ZNF385D: variants seen among roughly 807,000 people sequenced by gnomAD.
The protein encoded by ZNF385D is zinc finger protein 385D, also known as zinc finger protein 659.
A neutral mutation model predicts 35.8 loss-of-function variants in ZNF385D; 15 were observed. That is an observed-to-expected ratio of 0.42 (90% CI 0.28 to 0.64). The LOEUF (loss-of-function observed/expected upper bound fraction) is 0.64. ZNF385D is among the 30% of genes least tolerant of loss of function. ZNF385D has a pLI of 0.23. For synonymous variants in ZNF385D, 212 were observed against 186.8 expected (o/e 1.13, Z -1.10); for missense variants, 474 against 494.6 (o/e 0.96, Z 0.39).
At chr3:22,128,321 T>A (rs999232536) in intron 3 of ZNF385D, among the ~76,000 whole-genome samples, 1 of 152,192 alleles carries the variant, frequency 6.6e-6, no homozygotes, top group East Asian at 1.9e-4. Context: ...ATCTTTCCCT[T>A]ATTCTTGACT....
intron 1 of ZNF385D, among the ~76,000 whole-genome samples, chr3:21,728,703 C>A (rs2068867370): frequency 6.6e-6 from 1 of 152,140 alleles, no homozygotes; most frequent in African/African-American, 2.4e-5. Context: ...CCCCAATGTA[C>A]TCAGCTAGTG....
At chr3:21,971,942 A>G (rs1234748557) in intron 3 of ZNF385D, among the ~76,000 whole-genome samples, 1 of 152,120 alleles carries the variant, frequency 6.6e-6, no homozygotes, top group Non-Finnish European at 1.5e-5. Flanking sequence ...CAACACTGGG[A>G]CACCCAGATA....
chr3:21,836,380 C>T (rs924650834), intron 3 of ZNF385D, among the ~76,000 whole-genome samples: 1 of 152,048 alleles, frequency 6.6e-6, no homozygotes, highest in Non-Finnish European at 1.5e-5. Flanking sequence ...ACATAGATAC[C>T]TTTACACTTC....
At chr3:21,876,909 A>G (rs975670846) in intron 3 of ZNF385D, among the ~76,000 whole-genome samples, 1 of 152,090 alleles carries the variant, frequency 6.6e-6, no homozygotes, top group Non-Finnish European at 1.5e-5. Flanking sequence ...CATTGTTTAC[A>G]TTATGTGTTT....
intron 3 of ZNF385D, chr3:21,563,429 A>G (rs2063025877): frequency 6.6e-6 from 1 of 152,222 alleles, no homozygotes; most frequent in African/African-American, 2.4e-5. Flanking sequence ...TTTTAAGTCA[A>G]TGGATATTGT....
intron 1 of ZNF385D, among the ~76,000 whole-genome samples, chr3:21,724,494 A>C (rs1187395199): frequency 0.062 from 4,424 of 71,732 alleles, 179 homozygotes; most frequent in East Asian, 0.13. Context: ...AAAAAAAAAA[A>C]AAAAAAAAAA....
intron 3 of ZNF385D, among the ~76,000 whole-genome samples, chr3:22,012,799 C>G (rs749717694): frequency 6.6e-6 from 1 of 152,040 alleles, no homozygotes; most frequent in Non-Finnish European, 1.5e-5. Flanking sequence ...TTCTTAGGAA[C>G]TGGTAATCAG....
At chr3:21,841,829 A>G (rs917457376) in intron 3 of ZNF385D, among the ~76,000 whole-genome samples, 3 of 151,670 alleles carry the variant, frequency 2.0e-5, no homozygotes, top group Admixed American at 1.3e-4. Flanking sequence ...TAAATTCGCA[A>G]TTCATACATA....
chr3:22,323,572 G>A (rs1575118800), intron 2 of ZNF385D, among the ~76,000 whole-genome samples: 1 of 152,142 alleles, frequency 6.6e-6, no homozygotes, highest in Non-Finnish European at 1.5e-5. Flanking sequence ...TTTAGCTAAA[G>A]ACAGCTAACT....
chr3:21,831,779 G>C (rs771343781), intron 3 of ZNF385D, among the ~76,000 whole-genome samples: 16 of 152,152 alleles, frequency 1.1e-4, no homozygotes, highest in Non-Finnish European at 2.2e-4. Flanking sequence ...AACTGAGTCT[G>C]ATCAATTCTG....
At chr3:22,144,347 G>T (rs1199479630) in intron 3 of ZNF385D, among the ~76,000 whole-genome samples, 1 of 152,014 alleles carries the variant, frequency 6.6e-6, no homozygotes, top group Non-Finnish European at 1.5e-5. Flanking sequence ...GCCAAGGGTG[G>T]CAGATCACTT....
intron 2 of ZNF385D, among the ~76,000 whole-genome samples, chr3:21,628,128 T>G (rs150114456): frequency 1.3e-5 from 2 of 152,250 alleles, no homozygotes; most frequent in African/African-American, 4.8e-5. Flanking sequence ...TGCTACTGAT[T>G]GTTAAAAGTT....
At chr3:21,492,257 A>G (rs115323020) in intron 4 of ZNF385D, among the ~76,000 whole-genome samples, 1,662 of 152,166 alleles carry the variant, frequency 0.011, 26 homozygotes, top group African/African-American at 0.038. Flanking sequence ...ATTCTTAAAA[A>G]CCAATAGCTT....
chr3:22,095,954 A>G (rs1057278550), intron 3 of ZNF385D, among the ~76,000 whole-genome samples: 4 of 151,922 alleles, frequency 2.6e-5, no homozygotes, highest in South Asian at 2.1e-4. Flanking sequence ...TGAGAGATAC[A>G]TTTTTTAAAA....
intron 3 of ZNF385D, among the ~76,000 whole-genome samples, chr3:22,033,617 G>C (rs1443675094): frequency 6.6e-6 from 1 of 151,910 alleles, no homozygotes; most frequent in Non-Finnish European, 1.5e-5. Context: ...TGCATTCTGA[G>C]AGCAAAATGC....
At chr3:21,815,881 AAG>A (rs1336583738) in intron 3 of ZNF385D, among the ~76,000 whole-genome samples, 2 of 152,326 alleles carry the variant, frequency 1.3e-5, no homozygotes, top group Middle Eastern at 3.4e-3. Flanking sequence ...CAACAAAAAA[AAG>A]AGAATTTTAG....
chr3:21,827,691 C>A (rs1694730449), intron 3 of ZNF385D, among the ~76,000 whole-genome samples: 1 of 152,224 alleles, frequency 6.6e-6, no homozygotes, highest in East Asian at 1.9e-4. Flanking sequence ...TACAAGGAGT[C>A]TTGGAACGTG....
chr3:22,370,894 C>A (rs1477989984), intron 2 of ZNF385D, among the ~76,000 whole-genome samples: 1 of 152,120 alleles, frequency 6.6e-6, no homozygotes, highest in South Asian at 2.1e-4. Flanking sequence ...TCAGAAGCCC[C>A]GATTTTTGCC....
intron 3 of ZNF385D, among the ~76,000 whole-genome samples, chr3:22,017,239 G>A (rs1235359213): frequency 6.6e-6 from 1 of 152,002 alleles, no homozygotes; most frequent in Non-Finnish European, 1.5e-5. Context: ...ATGTTGTGAA[G>A]TGTACATCTG....
Sources: allele counts gnomAD v4.1 joint callset (sites outside exome capture counted in the v4.1 genomes callset), GRCh38; gene constraint gnomAD v4.1.1; transcripts MANE v1.5; gene names NCBI Gene and HGNC (gene_info 2026-07-23, HGNC 2026-07-21).